CCSER1: variants seen among roughly 807,000 people sequenced by gnomAD.
The protein encoded by CCSER1 is serine-rich coiled-coil domain-containing protein 1.
CCSER1 carries 41 observed loss-of-function variants against 82.0 expected under a neutral mutation model. That is an observed-to-expected ratio of 0.50 (90% CI 0.39 to 0.65). CCSER1 has a LOEUF of 0.65. Ranked by LOEUF, CCSER1 falls within the 30% of genes least tolerant of loss-of-function variation. The pLI, the probability that CCSER1 is intolerant of heterozygous loss-of-function variation, is 0.00. For missense variants in CCSER1, 1,119 were observed against 1,064.2 expected, an observed-to-expected ratio of 1.05 and a Z score of -0.72; for synonymous variants, 414 against 383.9, an observed-to-expected ratio of 1.08 and a Z score of -0.92.
intron 10 of CCSER1, among the ~76,000 whole-genome samples, chr4:91,461,060 G>A (rs908366563): frequency 3.9e-5 from 6 of 152,228 alleles, no homozygotes; most frequent in African/African-American, 7.2e-5. Flanking sequence ...CTCTGAGGTA[G>A]GTAAATCTCT....
chr4:90,180,081 G>A (rs1480598281), intron 1 of CCSER1, among the ~76,000 whole-genome samples: 1 of 149,822 alleles, frequency 6.7e-6, no homozygotes. Context: ...TGTAAAACAG[G>A]GAAGTTGTTG....
intron 6 of CCSER1, among the ~76,000 whole-genome samples, chr4:90,645,549 G>A (rs182286068): frequency 2.0e-5 from 3 of 152,010 alleles, no homozygotes; most frequent in African/African-American, 7.2e-5. Context: ...ATTCTCAGAT[G>A]GAACAATCCT....
At chr4:91,422,101 T>C (rs1280109775) in intron 10 of CCSER1, among the ~76,000 whole-genome samples, 9 of 152,122 alleles carry the variant, frequency 5.9e-5, no homozygotes, top group Non-Finnish European at 1.2e-4. Flanking sequence ...TGTAGCCCTG[T>C]CCACACCTTG....
chr4:91,381,551 G>A (rs1007636719), intron 10 of CCSER1, among the ~76,000 whole-genome samples: 1 of 152,252 alleles, frequency 6.6e-6, no homozygotes, highest in East Asian at 1.9e-4. Context: ...ACTAAAGCTT[G>A]TGCATTCATC....
chr4:91,210,269 T>G, intron 10 of CCSER1, among the ~76,000 whole-genome samples: 1 of 150,536 alleles, frequency 6.6e-6, no homozygotes, highest in Admixed American at 6.7e-5. Context: ...TATATAACAT[T>G]ATTTATATAT....
chr4:90,691,211 T>C (rs1004402469), intron 6 of CCSER1, among the ~76,000 whole-genome samples: 3 of 152,046 alleles, frequency 2.0e-5, no homozygotes, highest in African/African-American at 7.2e-5. Flanking sequence ...CTATTAAATC[T>C]TTACAGAGGG....
chr4:90,781,162 GC>G (rs1753723501), intron 7 of CCSER1: 1 of 561,250 alleles, frequency 1.8e-6, no homozygotes, highest in Non-Finnish European at 2.3e-6. Context: ...CTCCCACCAA[GC>G]CCCACCTCCA....
intron 3 of CCSER1, among the ~76,000 whole-genome samples, chr4:90,355,015 A>T (rs1276379183): frequency 2.0e-5 from 3 of 152,028 alleles, no homozygotes; most frequent in Non-Finnish European, 4.4e-5. Context: ...TGATTCTTCT[A>T]GTCTATCTCA....
chr4:90,503,910 G>T (rs578042633), intron 5 of CCSER1, among the ~76,000 whole-genome samples: 2 of 151,784 alleles, frequency 1.3e-5, no homozygotes, highest in East Asian at 3.9e-4. Flanking sequence ...TTGACTTATC[G>T]TATACTTTTT....
At chr4:91,260,257 T>C (rs17269905) in intron 10 of CCSER1, among the ~76,000 whole-genome samples, 38,668 of 152,034 alleles carry the variant, frequency 0.25, 5,049 homozygotes, top group South Asian at 0.38. Context: ...ACAGTAATTA[T>C]CCAACAGCAT....
chr4:90,182,565 T>A (rs1031333535), intron 1 of CCSER1, among the ~76,000 whole-genome samples: 4 of 152,148 alleles, frequency 2.6e-5, no homozygotes, highest in African/African-American at 9.7e-5. Flanking sequence ...AGCCACAGTG[T>A]CTGAGGCTAA....
intron 10 of CCSER1, among the ~76,000 whole-genome samples, chr4:91,265,912 G>T (rs565856718): frequency 6.6e-6 from 1 of 152,120 alleles, no homozygotes; most frequent in African/African-American, 2.4e-5. Context: ...GTTTCACGTG[G>T]CTGGGGAGGC....
In CCSER1 at chr4:90,168,823, G is replaced by T. The variant is rs552904593; in HGVS notation, c.-42+40992G>T. The stretch of plus-strand genomic sequence containing the variant: ...TTATTTCTGAGGGCTCCATTCTGTT[G>T]CATTGATCTATATCTCTGTTTTGGT... On this transcript the variant is annotated intron_variant, in intron 1 of 10. Coordinates refer to ENST00000509176, the MANE Select transcript of CCSER1 (RefSeq NM_001145065.2). 7.2e-4 allele frequency among the ~76,000 whole-genome samples: 79 copies of T among 109,086 alleles called. 1 individual carries two copies. The Middle Eastern group carries it at 0.015, about 21-fold the overall frequency. 71.6% of individuals were successfully genotyped at this position (109,086 alleles called of 152,430 possible).
At chr4:91,515,298 A>G (rs1260611936) in intron 10 of CCSER1, among the ~76,000 whole-genome samples, 1 of 152,078 alleles carries the variant, frequency 6.6e-6, no homozygotes, top group East Asian at 1.9e-4. Flanking sequence ...AGACTGTCTC[A>G]TCACGCAGGT....
At chr4:90,270,703 AT>A (rs1430382155) in intron 1 of CCSER1, among the ~76,000 whole-genome samples, 2 of 152,092 alleles carry the variant, frequency 1.3e-5, no homozygotes, top group Non-Finnish European at 2.9e-5. Context: ...GGATCATACT[AT>A]CCCTGTTTGC....
intron 6 of CCSER1, among the ~76,000 whole-genome samples, chr4:90,632,370 T>C (rs777493088): frequency 1.1e-4 from 17 of 152,068 alleles, no homozygotes; most frequent in Non-Finnish European, 8.8e-5. Context: ...AGTAATTCAT[T>C]TGGCACTTAG....
At chr4:90,271,846 ATATATATATATATATATT>A (rs1726423362) in intron 1 of CCSER1, among the ~76,000 whole-genome samples, 3 of 24,854 alleles carry the variant, frequency 1.2e-4, no homozygotes, top group South Asian at 2.1e-3. Context: ...ATATATATAT[ATATATATATATATATATT>A]TTTTTTTTTT....
intron 8 of CCSER1, among the ~76,000 whole-genome samples, chr4:90,834,312 C>T (rs1297278836): frequency 2.0e-5 from 3 of 152,104 alleles, no homozygotes; most frequent in Non-Finnish European, 2.9e-5. Context: ...TATTAGGATT[C>T]CACACATCAT....
At chr4:90,953,644 T>C (rs567910097) in intron 9 of CCSER1, among the ~76,000 whole-genome samples, 237 of 151,910 alleles carry the variant, frequency 1.6e-3, no homozygotes, top group African/African-American at 5.4e-3. Flanking sequence ...ATAAATATTC[T>C]TTACTTATTT....
Sources: gnomAD v4.1 joint callset for allele counts (sites outside exome capture counted in the v4.1 genomes callset) on GRCh38, gnomAD v4.1.1 for gene constraint, MANE v1.5 for transcripts, NCBI Gene and HGNC (gene_info 2026-07-23, HGNC 2026-07-21) for gene names.